PPFIA4: variants seen among roughly 807,000 people sequenced by gnomAD.
The protein encoded by PPFIA4 is liprin-alpha-4.
A neutral mutation model predicts 145.7 loss-of-function variants in PPFIA4; 98 were observed. That is an observed-to-expected ratio of 0.67 (90% CI 0.57 to 0.80). The LOEUF (loss-of-function observed/expected upper bound fraction) is 0.80. Ranked by LOEUF, PPFIA4 falls within the 30% of genes least tolerant of loss-of-function variation. The pLI, the probability that PPFIA4 is intolerant of heterozygous loss-of-function variation, is 0.00. For missense variants in PPFIA4, 1,457 were observed against 1,632.7 expected (o/e 0.89, Z 1.85); for synonymous variants, 628 against 649.6 (o/e 0.97, Z 0.51).
At chr1:203,037,192 A>G in intron 1 of PPFIA4, 1 of 375,958 alleles carries the variant, frequency 2.7e-6, no homozygotes, top group Non-Finnish European at 5.5e-6. Context: ...TACTCTGGGG[A>G]GGGGGTCCAG....
chr1:203,052,342 G>C (rs1367601416), intron 14 of PPFIA4, among the ~76,000 whole-genome samples: 3 of 152,150 alleles, frequency 2.0e-5, no homozygotes, highest in Non-Finnish European at 4.4e-5. Context: ...TGCTGTCTGA[G>C]TCTGCCTAGG....
At chr1:203,032,392 G>A (rs1658903597) in intron 1 of PPFIA4, among the ~76,000 whole-genome samples, 1 of 150,608 alleles carries the variant, frequency 6.6e-6, no homozygotes, top group South Asian at 2.1e-4. Flanking sequence ...ATTTGCGGAT[G>A]GGGGCCCAGA....
At chr1:203,034,473 C>T (rs772863005) in intron 1 of PPFIA4, 15 of 456,190 alleles carry the variant, frequency 3.3e-5, no homozygotes, top group Non-Finnish European at 4.4e-5. Context: ...TGCAGGCCCA[C>T]GTTGGGGAGA....
rs765986489 is a variant in PPFIA4 at position 203,045,545 on chromosome 1, C to A, written c.844C>A (p.Arg282=). Residue 282 remains arginine, a synonymous_variant, in exon 7 of 30, where the codon CGG becomes AGG. Transcript: ENST00000295706. ...GGAGGAGCTGAGCAGCAAGCATCAGCGGGACCTCCGGGAGGTGCGTGAGGG... is the reference window on the plus strand; with the variant it reads ...GGAGGAGCTGAGCAGCAAGCATCAGAGGGACCTCCGGGAGGTGCGTGAGGG... ...KSEELSSKHQ[R]DLREALAQKE... 3 of 1,589,626 alleles carry A rather than the reference C, an allele frequency of 1.9e-6. No individual in the cohort carries two copies. The highest frequency in any genetic ancestry group is 1.3e-5 in the African/African-American group (1 of 74,456).
chr1:203,035,398 T>C (rs1659167216), intron 1 of PPFIA4: 1 of 438,682 alleles, frequency 2.3e-6, no homozygotes, highest in Non-Finnish European at 4.6e-6. Flanking sequence ...CTCCTGTGTG[T>C]TAGGAAAAGG....
chr1:203,031,480 T>G (rs554652629), intron 1 of PPFIA4, among the ~76,000 whole-genome samples: 19 of 152,228 alleles, frequency 1.2e-4, no homozygotes, highest in African/African-American at 3.6e-4. Context: ...CTTTTCGTAC[T>G]GCCCGCCACT....
At chr1:203,056,568 T>A in intron 18 of PPFIA4, 60 bp downstream of exon 18, 3 of 1,576,600 alleles carry the variant, frequency 1.9e-6, no homozygotes, top group Non-Finnish European at 2.6e-6. Flanking sequence ...CCTCCCTTCC[T>A]CTGCCTCTGC....
intron 2 of PPFIA4, among the ~76,000 whole-genome samples, chr1:203,042,132 G>A (rs1039937935): frequency 1.3e-5 from 2 of 152,162 alleles, no homozygotes; most frequent in African/African-American, 2.4e-5. Flanking sequence ...TTAGGACAGG[G>A]ATGAGGCCTG....
At chr1:203,067,898 T>C in intron 26 of PPFIA4, 106 bp downstream of exon 26, 1 of 976,490 alleles carries the variant, frequency 1.0e-6, no homozygotes, top group Non-Finnish European at 1.6e-6. Flanking sequence ...AATCTTCCAG[T>C]CTGAAAAGGA....
chr1:203,075,982 TCG>T lies in PPFIA4; in HGVS notation c.3574+227_3574+228del. ...ACTTCTCCCAGCTGGGACGGCGGGG[TCG>T]CAGAGACTGGAGACCTCCACGGTTC... On this transcript the variant is annotated intron_variant, in intron 29 of 29. Transcript: ENST00000295706. This position sits in a 1 kb window ranked among gnomAD's most constrained non-coding sequence, Gnocchi z 4.1. The T allele has an allele frequency of 1.9e-6, 1 of 529,536 alleles. No individual in the cohort carries two copies. Among genetic ancestry groups the T allele is most frequent in the East Asian group, 3.3e-5 (1 of 30,168 alleles). The allele number at this position is 529,536 out of a possible 1,614,324, so 32.8% of individuals were successfully genotyped here.
intron 19 of PPFIA4, among the ~76,000 whole-genome samples, chr1:203,058,726 G>A (rs926041107): frequency 6.6e-6 from 1 of 152,192 alleles, no homozygotes; most frequent in Non-Finnish European, 1.5e-5. Context: ...TTTTGTGCAA[G>A]TGAATGCACC....
chr1:203,057,004 A>G, intron 19 of PPFIA4, 54 bp downstream of exon 19: 1 of 1,603,348 alleles, frequency 6.2e-7, no homozygotes, highest in Non-Finnish European at 8.5e-7. Context: ...CATCAGAAGC[A>G]GGAAGGTGTA....
At chr1:203,074,034 T>G (rs1299274334) in intron 28 of PPFIA4, among the ~76,000 whole-genome samples, 10 of 152,116 alleles carry the variant, frequency 6.6e-5, no homozygotes, top group Non-Finnish European at 1.2e-4. Flanking sequence ...AGGTTATGGT[T>G]TCTGCCCCAT....
chr1:203,032,049 T>TGTGTGTGG (rs1658875049), intron 1 of PPFIA4, among the ~76,000 whole-genome samples: 1 of 151,786 alleles, frequency 6.6e-6, no homozygotes, highest in African/African-American at 2.4e-5. Flanking sequence ...AACGTGTGTG[T>TGTGTGTGG]GTGTGTGTGT....
rs770331686 is a variant in PPFIA4 at position 203,043,403 on chromosome 1, G to A, written c.241G>A (p.Ala81Thr). 2 of 1,609,330 alleles carry A rather than the reference G, an allele frequency of 1.2e-6. No homozygotes were observed. The highest frequency in any genetic ancestry group is 1.7e-6 in the Non-Finnish European group (2 of 1,178,264). Residue 81 changes from alanine to threonine, a missense_variant, in exon 3 of 30, where the codon GCC (alanine) becomes ACC (threonine). This residue lies in a region of PPFIA4 where 463 missense variants were observed against 459.8 expected (regional missense o/e 1.01). Transcript: ENST00000295706. The surrounding 1 kb of genome is among the most constrained non-coding windows in gnomAD (Gnocchi z 4.4). Reference protein sequence around the residue: ...HLNSALPQEFATLTRELSMCR... With the variant: ...HLNSALPQEFTTLTRELSMCR... The stretch of plus-strand genomic sequence containing the variant: ...GGGCCTTGGGGGTTTTCAGGAATTT[G>A]CCACCTTAACCCGGGAGCTGAGCAT...
At chr1:203,063,652 C>G in intron 24 of PPFIA4, 176 bp from the exon 25 acceptor site, 1 of 593,218 alleles carries the variant, frequency 1.7e-6, no homozygotes, top group Non-Finnish European at 2.9e-6. Flanking sequence ...TTAAAATCCT[C>G]ACCTCCCACC....
chr1:203,061,079 G>A (rs2270544), intron 23 of PPFIA4, 47 bp downstream of exon 23: 104,452 of 1,556,156 alleles, frequency 0.067, 3,656 homozygotes, highest in Non-Finnish European at 0.074. Flanking sequence ...GGTTGGGACT[G>A]ATACTCCCAT....
chr1:203,028,640 GGT>G (rs147806649), intron 1 of PPFIA4, among the ~76,000 whole-genome samples: 68 of 151,602 alleles, frequency 4.5e-4, no homozygotes, highest in Middle Eastern at 3.4e-3. Flanking sequence ...AGTGGTATGG[GGT>G]GTGTGTGTGT....
At chr1:203,069,624 T>C (rs1661990543) in intron 27 of PPFIA4, among the ~76,000 whole-genome samples, 2 of 152,206 alleles carry the variant, frequency 1.3e-5, no homozygotes, top group Non-Finnish European at 2.9e-5. Context: ...CACAGGCTAT[T>C]CTGGGAGCAG....
Sources: gnomAD v4.1 joint callset for allele counts (sites outside exome capture counted in the v4.1 genomes callset) on GRCh38, gnomAD v4.1.1 for gene constraint, gnomAD v4.1.1 regional missense constraint, Gnocchi (gnomAD v3.1) non-coding constraint, MANE v1.5 for transcripts, NCBI Gene and HGNC (gene_info 2026-07-23, HGNC 2026-07-21) for gene names.